Variants in ZFHX4 observed in about 807,000 individuals in gnomAD.
The protein encoded by ZFHX4 is zinc finger homeobox protein 4.
ZFHX4 carries 56 observed loss-of-function variants against 267.6 expected under a neutral mutation model. The ratio of observed to expected loss-of-function variants is 0.21; its 90% CI spans 0.17 to 0.26. The LOEUF (loss-of-function observed/expected upper bound fraction) is 0.26. ZFHX4 is among the 10% of genes least tolerant of loss of function. ZFHX4 has a pLI of 1.00. For synonymous variants in ZFHX4, 1,778 were observed against 1,665.6 expected, an observed-to-expected ratio of 1.07 and a Z score of -1.64; for missense variants, 4,332 against 4,420.0, an observed-to-expected ratio of 0.98 and a Z score of 0.56.
intron 4 of ZFHX4, among the ~76,000 whole-genome samples, chr8:76,830,101 G>T (rs1811895329): frequency 6.6e-6 from 1 of 152,160 alleles, no homozygotes; most frequent in Non-Finnish European, 1.5e-5. Flanking sequence ...TGCTATGGGT[G>T]TCATAATGCA....
intron 3 of ZFHX4, among the ~76,000 whole-genome samples, chr8:76,718,417 A>C (rs1356384654): frequency 6.6e-6 from 1 of 152,102 alleles, no homozygotes; most frequent in Non-Finnish European, 1.5e-5. Context: ...CTGGTTTATT[A>C]TTTTTTAGTT....
At chr8:76,829,086 C>T (rs1026005589) in intron 4 of ZFHX4, among the ~76,000 whole-genome samples, 2 of 152,014 alleles carry the variant, frequency 1.3e-5, no homozygotes, top group African/African-American at 4.8e-5. Flanking sequence ...TAAACTTGTG[C>T]TGAATGCATC....
At chr8:76,828,687 A>G (rs192228923) in intron 4 of ZFHX4, among the ~76,000 whole-genome samples, 109 of 152,300 alleles carry the variant, frequency 7.2e-4, no homozygotes, top group Non-Finnish European at 1.2e-3. Flanking sequence ...AAAACACAAA[A>G]GGCATGGCTA....
chr8:76,861,279 AATTGATTC>A (rs1812859900), intron 10 of ZFHX4, among the ~76,000 whole-genome samples: 2 of 152,140 alleles, frequency 1.3e-5, no homozygotes, highest in African/African-American at 4.8e-5. Flanking sequence ...TAACCCCTGA[AATTGATTC>A]AGTTAAACCA....
At chr8:76,755,778 T>C (rs375612327) in intron 3 of ZFHX4, among the ~76,000 whole-genome samples, 2 of 152,160 alleles carry the variant, frequency 1.3e-5, no homozygotes, top group African/African-American at 4.8e-5. Context: ...TTGCGACTTC[T>C]TTGAGCAAGT....
rs1188379673 is a variant in ZFHX4, at chr8:76,852,882, G to A, written c.5961G>A (p.Glu1987=). ...AAAAATTTGCTCGTCAATACAGGGA[G>A]GCCTATGACAAGCTTTATCCAATTT... ...ALEKFARQYR[E]AYDKLYPISP... The change falls in exon 10 of 11, where the codon GAG becomes GAA. Residue 1987 remains glutamate (E), a synonymous_variant. Transcript: ENST00000651372. The A allele has an allele frequency of 6.2e-7, 1 of 1,613,346 alleles. No homozygotes were observed. Among genetic ancestry groups the A allele is most frequent in the Non-Finnish European group, 8.5e-7 (1 of 1,179,660 alleles).
chr8:76,851,372 A>G lies in ZFHX4; in HGVS notation c.4451A>G (p.Glu1484Gly). 6.2e-7 allele frequency: 1 copy of G among 1,613,876 alleles called. No homozygotes were observed. Among genetic ancestry groups the G allele is most frequent in the Non-Finnish European group, 8.5e-7 (1 of 1,179,840 alleles). ...ATGTCCCAGGATGACCATGGCCTAG[A>G]GCAGGAAATGGAGAGAGAGTATGAG... ...ETMSQDDHGL[E>G]QEMEREYEVD... The change falls in exon 10 of 11, where the codon GAG becomes GGG. Residue 1484 changes from glutamate to glycine, a missense_variant. This residue lies in a region of ZFHX4 where 1,371 missense variants were observed against 1,423.1 expected (regional missense o/e 0.96). Coordinates refer to ENST00000651372, the MANE Select transcript of ZFHX4 (RefSeq NM_024721.5).
chr8:76,789,940 A>G (rs891505233), intron 4 of ZFHX4, among the ~76,000 whole-genome samples: 4 of 152,120 alleles, frequency 2.6e-5, no homozygotes, highest in Admixed American at 2.6e-4. Context: ...CTTAAAATGT[A>G]CAATACTTGC....
chr8:76,854,176 T>C lies in ZFHX4; in HGVS notation c.7255T>C (p.Ser2419Pro), dbSNP rs759796696. 6.3e-7 allele frequency: 1 copy of C among 1,579,536 alleles called. No individual in the cohort carries two copies. The highest frequency in any genetic ancestry group is 2.4e-5 in the East Asian group (1 of 42,412). ...PAEKPKQSDP[S>P]PPSQGTKPAL... ...AGAAAAGCCAAAGCAGAGTGACCCC[T>C]CTCCCCCTTCTCAAGGCACCAAACC... Residue 2419 changes from serine (S) to proline (P), a missense_variant, in exon 10 of 11, where the codon TCT becomes CCT. Ser to Pro is a moderately conservative substitution (Grantham distance 74, BLOSUM62 -1). Transcript: ENST00000651372.
intron 4 of ZFHX4, among the ~76,000 whole-genome samples, chr8:76,829,189 T>C (rs1203076624): frequency 6.6e-6 from 1 of 150,558 alleles, no homozygotes; most frequent in African/African-American, 2.4e-5. Flanking sequence ...AATATCTAGA[T>C]TGTTAAAAAA....
At chr8:76,847,692 A>G (rs561447450) in intron 6 of ZFHX4, among the ~76,000 whole-genome samples, 1 of 152,240 alleles carries the variant, frequency 6.6e-6, no homozygotes, top group Admixed American at 6.5e-5. Context: ...AATTACTTAT[A>G]AGGTATAAAA....
chr8:76,764,231 T>C (rs895578855), intron 3 of ZFHX4, among the ~76,000 whole-genome samples: 1 of 152,222 alleles, frequency 6.6e-6, no homozygotes, highest in Non-Finnish European at 1.5e-5. Flanking sequence ...TTAATTTGTC[T>C]GGAGAGATGA....
chr8:76,763,727 G>T (rs142344174), intron 3 of ZFHX4, among the ~76,000 whole-genome samples: 1 of 152,270 alleles, frequency 6.6e-6, no homozygotes, highest in Middle Eastern at 3.4e-3. Context: ...ACAGTTGATT[G>T]TTGAGGAAAA....
At chr8:76,827,331 G>A (rs12544089) in intron 4 of ZFHX4, among the ~76,000 whole-genome samples, 5,241 of 152,280 alleles carry the variant, frequency 0.034, 209 homozygotes, top group East Asian at 0.18. Flanking sequence ...CAGGCGACAA[G>A]GCTTGCTTGC....
chr8:76,843,393 A>T (rs1441660227), intron 6 of ZFHX4, among the ~76,000 whole-genome samples: 2 of 152,182 alleles, frequency 1.3e-5, no homozygotes, highest in Admixed American at 1.3e-4. Context: ...TTGATCTTCT[A>T]GAATAGACAA....
chr8:76,793,768 C>T (rs150992710), intron 4 of ZFHX4, among the ~76,000 whole-genome samples: 2 of 151,788 alleles, frequency 1.3e-5, no homozygotes, highest in African/African-American at 4.8e-5. Flanking sequence ...TTTTCTTTTT[C>T]CTTTCTCATT....
chr8:76,815,704 T>C (rs981498614), intron 4 of ZFHX4, among the ~76,000 whole-genome samples: 1 of 152,084 alleles, frequency 6.6e-6, no homozygotes, highest in Non-Finnish European at 1.5e-5. Flanking sequence ...TCTTACTATA[T>C]TGCCTAGGCT....
At chr8:76,856,366 C>T in intron 10 of ZFHX4, 66 bp downstream of exon 10, 2 of 1,564,352 alleles carry the variant, frequency 1.3e-6, no homozygotes, top group Non-Finnish European at 1.7e-6. Flanking sequence ...TCACATGTAA[C>T]CAAGAACGGG....
At chr8:76,794,873 T>C (rs1012613076) in intron 4 of ZFHX4, among the ~76,000 whole-genome samples, 1 of 143,098 alleles carries the variant, frequency 7.0e-6, no homozygotes. Flanking sequence ...TGGCCTGTCA[T>C]TGTGTGTGTG....
Sources: gnomAD v4.1 joint callset for allele counts (sites outside exome capture counted in the v4.1 genomes callset) on GRCh38, gnomAD v4.1.1 for gene constraint, gnomAD v4.1.1 regional missense constraint, MANE v1.5 for transcripts, NCBI Gene and HGNC (gene_info 2026-07-23, HGNC 2026-07-21) for gene names.